The following RSPRY1 variants were observed in gnomAD, a reference collection of about 807,000 sequenced individuals.
The protein encoded by RSPRY1 is ring finger and SPRY domain containing 1.
In RSPRY1, 23 loss-of-function variants were observed where a neutral mutation model predicts 73.1. The ratio of observed to expected loss-of-function variants is 0.31; its 90% CI spans 0.23 to 0.45. The LOEUF (loss-of-function observed/expected upper bound fraction) is 0.45. Among genes scored for constraint, RSPRY1 ranks in the 20% least tolerant of loss-of-function variants. The pLI, the probability that RSPRY1 is intolerant of heterozygous loss-of-function variation, is 1.00. For missense variants in RSPRY1, 448 were observed against 698.7 expected, an observed-to-expected ratio of 0.64 and a Z score of 4.05; for synonymous variants, 226 against 251.4, an observed-to-expected ratio of 0.90 and a Z score of 0.95.
chr16:57,201,142 G>T (rs2074589879), intron 1 of RSPRY1, among the ~76,000 whole-genome samples: 1 of 151,160 alleles, frequency 6.6e-6, no homozygotes, highest in African/African-American at 2.4e-5. Context: ...CCGGGCGGAG[G>T]GGCTCCTCAC....
intron 3 of RSPRY1, among the ~76,000 whole-genome samples, 192 bp downstream of exon 3, chr16:57,208,302 C>CTTTTTTTTTTTT (rs34138044): frequency 2.5e-5 from 2 of 79,200 alleles, no homozygotes; most frequent in African/African-American, 5.6e-5. Context: ...CATATTATAC[C>CTTTTTTTTTTTT]TTTTTTTTTT....
chr16:57,231,642 T>A (rs1460763038), intron 13 of RSPRY1, among the ~76,000 whole-genome samples: 5 of 152,198 alleles, frequency 3.3e-5, no homozygotes, highest in Non-Finnish European at 7.3e-5. Flanking sequence ...ATTTTTTTTG[T>A]GAGATAAATA....
In RSPRY1 at chr16:57,220,712, G is replaced by C. The variant is rs1265887502; in HGVS notation, c.902-20G>C. 6.6e-7 allele frequency: 1 copy of C among 1,520,440 alleles called. No individual in the cohort carries two copies. The highest frequency in any genetic ancestry group is 1.1e-5 in the South Asian group (1 of 89,024). The allele number at this position is 1,520,440 out of a possible 1,614,324, so 94.2% of individuals were successfully genotyped here. A position where few individuals can be genotyped will look rare whatever the true frequency, so the allele number is the denominator to read the frequency against. On this transcript the variant is annotated intron_variant, in intron 8 of 14. Transcript: ENST00000394420. ...CCACAGCAGCCTGCCTTAGAAACAT[G>C]AACACTCTTTCTTTTGCAGTTTTAA...
rs1271287400 is a variant in RSPRY1 at position 57,204,934 on chromosome 16, G to A, written c.276G>A (p.Glu92=). 3.1e-6 allele frequency: 5 copies of A among 1,614,234 alleles called. No homozygotes were observed. Among genetic ancestry groups the A allele is most frequent in the Non-Finnish European group, 2.5e-6 (3 of 1,180,048 alleles). ...CAAGGAGGGGCCGAGGACCTCATGA[G>A]CCAAGGAGAAAGAAACAAAATGTGG... The part of the protein sequence containing the change: ...RPPRRGRGPH[E]PRRKKQNVDG... The change falls in exon 2 of 15, where the codon GAG becomes GAA. Residue 92 remains glutamate (E), a synonymous_variant. Coordinates refer to ENST00000394420, the MANE Select transcript of RSPRY1 (RefSeq NM_133368.3).
chr16:57,203,427 ATGT>A (rs1380728788), intron 1 of RSPRY1, among the ~76,000 whole-genome samples: 2 of 152,216 alleles, frequency 1.3e-5, no homozygotes, highest in African/African-American at 2.4e-5. Flanking sequence ...AACTAGCCAG[ATGT>A]TGTGTAGAGA....
At position 57,235,159 on chromosome 16, in the gene RSPRY1, T is replaced by C. The variant is rs557889605; in HGVS notation, c.1565T>C (p.Ile522Thr). The part of the protein sequence containing the change: ...RRLALLKQVS[I>T]RENCCSLCCD... ...CTTGCTCTGTTGAAGCAAGTCAGTA[T>C]CCGAGAAAACTGCTGTTCCCTTTGT... is the stretch of plus-strand genomic sequence containing the variant. The change falls in exon 14 of 15, where the codon ATC becomes ACC. Residue 522 changes from isoleucine (I) to threonine (T), a missense_variant. By Grantham distance (89) the Ile-to-Thr change is moderately conservative (BLOSUM62 -1). Coordinates refer to ENST00000394420, the MANE Select transcript of RSPRY1 (RefSeq NM_133368.3). The C allele has an allele frequency of 6.2e-7, 1 of 1,614,206 alleles. No individual in the cohort carries two copies. Among genetic ancestry groups the C allele is most frequent in the South Asian group, 1.1e-5 (1 of 91,090 alleles).
Position 57,231,194 on chromosome 16 carries a change from C to T in RSPRY1, c.1404C>T (p.Phe468=). 1 of 1,613,396 alleles carries T rather than the reference C, an allele frequency of 6.2e-7. No homozygotes were observed. The highest frequency in any genetic ancestry group is 1.3e-5 in the African/African-American group (1 of 74,974). ...TVSGFFAAAS[F]MSYQQCEFNF... is the part of the protein sequence containing the mutation. ...CTGGATTTTTTGCTGCAGCTAGTTT[C>T]ATGTCATATCAACAATGTGAGTTCA... Residue 468 remains phenylalanine, a synonymous_variant, in exon 13 of 15, where the codon TTC becomes TTT. Transcript: ENST00000394420.
intron 1 of RSPRY1, among the ~76,000 whole-genome samples, chr16:57,193,060 T>C (rs918126477): frequency 7.2e-5 from 11 of 152,164 alleles, no homozygotes; most frequent in Non-Finnish European, 1.6e-4. Context: ...TTCAAAGGTG[T>C]GCTTTCTTAA....
chr16:57,220,723 C>A lies in RSPRY1; in HGVS notation c.902-9C>A. The A allele has an allele frequency of 6.3e-7, 1 of 1,580,866 alleles. No individual in the cohort carries two copies. The highest frequency in any genetic ancestry group is 1.1e-5 in the South Asian group (1 of 90,326). ...TGCCTTAGAAACATGAACACTCTTT[C>A]TTTTGCAGTTTTAAAAGAAGGTAGA... is the stretch of plus-strand genomic sequence containing the variant. On this transcript the variant is annotated splice_polypyrimidine_tract_variant and intron_variant, in intron 8 of 14. Coordinates refer to ENST00000394420, the MANE Select transcript of RSPRY1 (RefSeq NM_133368.3).
In RSPRY1 at chr16:57,216,998, A is replaced by G. The variant is rs2074952218; in HGVS notation, c.864A>G (p.Gln288=). 6.2e-7 allele frequency: 1 copy of G among 1,614,132 alleles called. No individual in the cohort carries two copies. Among genetic ancestry groups the G allele is most frequent in the Non-Finnish European group, 8.5e-7 (1 of 1,180,008 alleles). ...WANDPDYLKR[Q]VGFCAQWSLD... ...ATGATCCTGATTATCTGAAACGTCA[A>G]GTTGGTTTCTGTGCCCAGTGGAGCT... is the stretch of plus-strand genomic sequence containing the variant. Residue 288 remains glutamine, a synonymous_variant, in exon 8 of 15, where the codon CAA becomes CAG. Coordinates refer to ENST00000394420, the MANE Select transcript of RSPRY1 (RefSeq NM_133368.3).
At chr16:57,210,956 T>A (rs1271112049) in intron 4 of RSPRY1, among the ~76,000 whole-genome samples, 1 of 152,084 alleles carries the variant, frequency 6.6e-6, no homozygotes, top group Non-Finnish European at 1.5e-5. Flanking sequence ...AGGTCGAGAT[T>A]GCAGTGAGAC....
intron 10 of RSPRY1, among the ~76,000 whole-genome samples, chr16:57,224,811 T>C (rs1209992019): frequency 6.6e-6 from 1 of 152,216 alleles, no homozygotes; most frequent in Non-Finnish European, 1.5e-5. Flanking sequence ...ATCAAAGACA[T>C]TGCATGGTAA....
At chr16:57,187,481 C>T (rs1176896552) in intron 1 of RSPRY1, among the ~76,000 whole-genome samples, 1 of 152,200 alleles carries the variant, frequency 6.6e-6, no homozygotes, top group East Asian at 1.9e-4. Flanking sequence ...TTTCCAGGCC[C>T]TTTACCTACC....
chr16:57,236,175 G>C (rs972107713), intron 14 of RSPRY1, among the ~76,000 whole-genome samples: 8 of 152,192 alleles, frequency 5.3e-5, no homozygotes, highest in Non-Finnish European at 1.0e-4. Context: ...TTTAAAGGTT[G>C]GATATCTTCA....
chr16:57,195,339 C>T (rs911403684), intron 1 of RSPRY1, among the ~76,000 whole-genome samples: 1 of 151,994 alleles, frequency 6.6e-6, no homozygotes, highest in East Asian at 1.9e-4. Context: ...TGGTGAAACC[C>T]CATCTCTACT....
At chr16:57,194,606 A>G (rs766776485) in intron 1 of RSPRY1, among the ~76,000 whole-genome samples, 7 of 152,206 alleles carry the variant, frequency 4.6e-5, no homozygotes, top group South Asian at 2.1e-4. Context: ...CTCTAACACT[A>G]TTTTGGAATG....
intron 3 of RSPRY1, among the ~76,000 whole-genome samples, chr16:57,208,426 C>A (rs2074772459): frequency 1.7e-5 from 2 of 119,260 alleles, no homozygotes; most frequent in African/African-American, 6.5e-5. Context: ...GAGACAGAGT[C>A]TCACTCTGTT....
chr16:57,203,213 T>C (rs974012437), intron 1 of RSPRY1, among the ~76,000 whole-genome samples: 4 of 152,118 alleles, frequency 2.6e-5, no homozygotes, highest in Non-Finnish European at 4.4e-5. Flanking sequence ...GGAGAATTGC[T>C]TGAACCCAGG....
At chr16:57,189,593 C>CTTTTT (rs544146883) in intron 1 of RSPRY1, among the ~76,000 whole-genome samples, 126 of 123,984 alleles carry the variant, frequency 1.0e-3, no homozygotes, top group Middle Eastern at 4.3e-3. Flanking sequence ...CTTTTCTTTT[C>CTTTTT]TTTTTTTTTT....
Sources: allele counts gnomAD v4.1 joint callset (sites outside exome capture counted in the v4.1 genomes callset), GRCh38; gene constraint gnomAD v4.1.1; transcripts MANE v1.5; gene names NCBI Gene and HGNC (gene_info 2026-07-23, HGNC 2026-07-21).